The following GNAQ variants were observed in gnomAD, a reference collection of about 807,000 sequenced individuals.
The protein encoded by GNAQ is guanine nucleotide-binding protein G(q) subunit alpha.
Under a neutral mutation model 43.9 loss-of-function variants are expected in GNAQ, and 8 were observed. The ratio of observed to expected loss-of-function variants is 0.18; its 90% CI spans 0.11 to 0.33. The LOEUF (loss-of-function observed/expected upper bound fraction) is 0.33, where lower values mean the gene tolerates loss of function less well. Ranked by LOEUF, GNAQ falls within the 10% of genes least tolerant of loss-of-function variation. The pLI is 1.00. For missense variants in GNAQ, 158 were observed against 450.8 expected (o/e 0.35, Z 5.88); for synonymous variants, 155 against 170.7 (o/e 0.91, Z 0.71).
At chr9:77,761,502 AG>A (rs1826021584) in intron 5 of GNAQ, among the ~76,000 whole-genome samples, 5 of 42,986 alleles carry the variant, frequency 1.2e-4, no homozygotes, top group Admixed American at 2.8e-4. Context: ...GGAGGTGGGG[AG>A]GTCAGCCCCC....
chr9:77,985,179 A>G (rs1270595617), intron 1 of GNAQ, among the ~76,000 whole-genome samples: 4 of 152,104 alleles, frequency 2.6e-5, no homozygotes, highest in Admixed American at 6.5e-5. Flanking sequence ...GCATGGTGGT[A>G]GGTGCCTGTA....
chr9:77,768,000 A>T (rs1327049480), intron 5 of GNAQ, among the ~76,000 whole-genome samples: 1 of 152,252 alleles, frequency 6.6e-6, no homozygotes, highest in East Asian at 1.9e-4. Flanking sequence ...AGAAATCATT[A>T]TATTATTAAA....
intron 1 of GNAQ, among the ~76,000 whole-genome samples, chr9:77,983,291 G>A (rs1300420828): frequency 7.2e-5 from 11 of 152,328 alleles, no homozygotes; most frequent in Middle Eastern, 3.4e-3. Flanking sequence ...AAGCAACTGC[G>A]TCATTTTAGG....
intron 1 of GNAQ, among the ~76,000 whole-genome samples, chr9:77,926,888 G>A (rs888447149): frequency 2.6e-5 from 4 of 152,272 alleles, no homozygotes; most frequent in East Asian, 3.9e-4. Context: ...TCCAGTGTGC[G>A]TAATTGGCTA....
intron 1 of GNAQ, among the ~76,000 whole-genome samples, chr9:77,992,097 C>T (rs1823515073): frequency 6.6e-6 from 1 of 152,216 alleles, no homozygotes; most frequent in Non-Finnish European, 1.5e-5. Flanking sequence ...AGTGTGACTG[C>T]TGGATCGAAT....
chr9:77,803,973 A>C (rs1026009947), intron 3 of GNAQ, among the ~76,000 whole-genome samples: 6 of 152,228 alleles, frequency 3.9e-5, no homozygotes, highest in Non-Finnish European at 7.3e-5. Context: ...CCACTACTTT[A>C]AATGATTAAA....
intron 1 of GNAQ, among the ~76,000 whole-genome samples, chr9:77,996,875 A>C (rs1239939853): frequency 1.3e-5 from 2 of 152,142 alleles, no homozygotes; most frequent in Non-Finnish European, 2.9e-5. Context: ...TATCTGCCAC[A>C]ATTGTTACTG....
chr9:78,023,731 A>G (rs188257270), intron 1 of GNAQ, among the ~76,000 whole-genome samples: 1 of 150,426 alleles, frequency 6.6e-6, no homozygotes, highest in Non-Finnish European at 1.5e-5. Flanking sequence ...GATGCTGATT[A>G]AAAAAAAAAT....
intron 3 of GNAQ, among the ~76,000 whole-genome samples, chr9:77,810,248 ATCTAT>A (rs1313614369): frequency 2.7e-5 from 4 of 150,172 alleles, no homozygotes; most frequent in Admixed American, 2.7e-4. Context: ...CTATCTATCT[ATCTAT>A]CTATCTATCT....
rs140622937 is a variant in GNAQ, at chr9:77,759,344, T to A, written c.736-30677A>T. Among the ~76,000 whole-genome samples, 231 of 152,328 alleles carry A rather than the reference T, an allele frequency of 1.5e-3. 2 individuals are homozygous for A. Among genetic ancestry groups the A allele is most frequent in the African/African-American group, 4.2e-3 (176 of 41,580 alleles). On this transcript the variant is annotated intron_variant, in intron 5 of 6. Coordinates refer to ENST00000286548, the MANE Select transcript of GNAQ (RefSeq NM_002072.5). ...AATTAGAAAACAGCTGGATGTTAAATGAACATGACAAATCCAAAATCTTTA... is the reference window on the plus strand; with the variant it reads ...AATTAGAAAACAGCTGGATGTTAAAAGAACATGACAAATCCAAAATCTTTA...
intron 2 of GNAQ, among the ~76,000 whole-genome samples, chr9:77,822,675 A>G (rs1276374445): frequency 6.6e-6 from 1 of 151,852 alleles, no homozygotes; most frequent in African/African-American, 2.4e-5. Flanking sequence ...AGAGTCTTAC[A>G]TAGGGAATAT....
rs550784435 is a variant in GNAQ, at chr9:77,916,015, C to T, written c.321+6146G>A. Among the ~76,000 whole-genome samples, 106 of 152,286 alleles carry T rather than the reference C, an allele frequency of 7.0e-4. 1 individual carries two copies. Among genetic ancestry groups the T allele is most frequent in the Non-Finnish European group, 1.2e-3 (81 of 68,022 alleles). On this transcript the variant is annotated intron_variant, in intron 2 of 6. Coordinates refer to ENST00000286548, the MANE Select transcript of GNAQ (RefSeq NM_002072.5). The stretch of plus-strand genomic sequence containing the variant: ...GCACAGAATCCAGGCTGCTCCAAAT[C>T]GGCACTTTTTCCCAGAAATCTGAAT...
At chr9:77,827,055 T>C (rs1484883589) in intron 2 of GNAQ, among the ~76,000 whole-genome samples, 1 of 152,192 alleles carries the variant, frequency 6.6e-6, no homozygotes, top group Non-Finnish European at 1.5e-5. Context: ...GTAATAATTA[T>C]AGTGATTATT....
chr9:77,954,467 T>C (rs776692396), intron 1 of GNAQ, among the ~76,000 whole-genome samples: 7 of 152,174 alleles, frequency 4.6e-5, no homozygotes, highest in Non-Finnish European at 1.0e-4. Context: ...AGAAGCATCT[T>C]GATGCTTGAT....
intron 1 of GNAQ, among the ~76,000 whole-genome samples, chr9:78,015,698 A>C (rs933151393): frequency 1.3e-5 from 2 of 152,146 alleles, no homozygotes; most frequent in African/African-American, 4.8e-5. Flanking sequence ...CCTCAGAATA[A>C]ATAACTAAGG....
At chr9:77,837,655 TA>T (rs55754927) in intron 2 of GNAQ, among the ~76,000 whole-genome samples, 3 of 149,300 alleles carry the variant, frequency 2.0e-5, no homozygotes, top group Admixed American at 6.7e-5. Context: ...AAAATTATTC[TA>T]AAAAAAAAAT....
chr9:77,967,961 C>T (rs185977016), intron 1 of GNAQ, among the ~76,000 whole-genome samples: 168 of 152,130 alleles, frequency 1.1e-3, no homozygotes, highest in African/African-American at 3.8e-3. Context: ...GCCTGGGCAA[C>T]AAGAATGAAA....
rs1827957398 is a variant in GNAQ at position 77,866,802 on chromosome 9, C to T, written c.322-51032G>A. Among the ~76,000 whole-genome samples the T allele has an allele frequency of 4.6e-5, 7 of 152,114 alleles. 2 individuals are homozygous for T. The South Asian group carries it at 1.5e-3, about 32-fold the overall frequency. On this transcript the variant is annotated intron_variant, in intron 2 of 6. Coordinates refer to ENST00000286548, the MANE Select transcript of GNAQ (RefSeq NM_002072.5). ...CCAATATTTTGTCTAAATTAAAATA[C>T]AAACTTTTTAAATGAAGGTATATAA...
intron 2 of GNAQ, among the ~76,000 whole-genome samples, chr9:77,897,593 T>C (rs973617737): frequency 1.3e-5 from 2 of 152,224 alleles, no homozygotes; most frequent in African/African-American, 4.8e-5. Context: ...CATGGGCTGA[T>C]GAGCCTCCAA....
Sources: allele counts gnomAD v4.1 joint callset (sites outside exome capture counted in the v4.1 genomes callset), GRCh38; gene constraint gnomAD v4.1.1; transcripts MANE v1.5; gene names NCBI Gene and HGNC (gene_info 2026-07-23, HGNC 2026-07-21).